Variants in CSMD1 observed in about 807,000 individuals in gnomAD.
CSMD1 encodes the protein CUB and sushi domain-containing protein 1.
Under a neutral mutation model 417.5 loss-of-function variants are expected in CSMD1, and 213 were observed. The observed-to-expected ratio is 0.51, with a 90% CI of 0.46 to 0.57. The LOEUF (loss-of-function observed/expected upper bound fraction) is 0.57. Among genes scored for constraint, CSMD1 ranks in the 20% least tolerant of loss-of-function variants. The probability of loss-of-function intolerance (pLI) is 0.00; values close to 1 mark genes in which losing one functional copy is unlikely to be tolerated. For synonymous variants in CSMD1, 2,862 were observed against 1,736.8 expected (o/e 1.65, Z -16.11); for missense variants, 6,923 against 4,529.7 (o/e 1.53, Z -15.17).
intron 1 of CSMD1, among the ~76,000 whole-genome samples, chr8:4,767,665 C>G (rs1332827578): frequency 6.6e-6 from 1 of 152,094 alleles, no homozygotes; most frequent in Non-Finnish European, 1.5e-5. Flanking sequence ...ATTTAGCTAC[C>G]CACAGTCACC....
intron 1 of CSMD1, among the ~76,000 whole-genome samples, chr8:4,793,597 G>C (rs1369861137): frequency 6.6e-6 from 1 of 151,700 alleles, no homozygotes; most frequent in South Asian, 2.1e-4. Context: ...TTGAGGCATT[G>C]CTCACTATCA....
chr8:3,363,979 G>T (rs547543699), intron 20 of CSMD1, among the ~76,000 whole-genome samples: 110 of 152,160 alleles, frequency 7.2e-4, no homozygotes, highest in Admixed American at 1.8e-3. Flanking sequence ...TACTGACTAG[G>T]AAACACAATC....
chr8:4,229,459 CA>C (rs1484553199), intron 3 of CSMD1, among the ~76,000 whole-genome samples: 1 of 152,240 alleles, frequency 6.6e-6, no homozygotes, highest in Non-Finnish European at 1.5e-5. Context: ...AGAAGACCCA[CA>C]ATCACCAACA....
intron 3 of CSMD1, among the ~76,000 whole-genome samples, chr8:4,394,589 C>G (rs1289646721): frequency 1.3e-5 from 2 of 152,084 alleles, no homozygotes; most frequent in Non-Finnish European, 2.9e-5. Flanking sequence ...GTGGATGCCC[C>G]CAGTAGCTGC....
At chr8:4,269,695 T>G (rs1180815355) in intron 3 of CSMD1, among the ~76,000 whole-genome samples, 1 of 152,228 alleles carries the variant, frequency 6.6e-6, no homozygotes, top group Admixed American at 6.5e-5. Flanking sequence ...CTTTGCAGTT[T>G]ATCAATTAAC....
intron 5 of CSMD1, among the ~76,000 whole-genome samples, chr8:3,778,691 G>C (rs989020948): frequency 2.0e-5 from 3 of 152,146 alleles, no homozygotes; most frequent in African/African-American, 7.2e-5. Flanking sequence ...TTCAGAGCTG[G>C]CCAAAGATCA....
At chr8:4,084,333 G>A (rs78564823) in intron 3 of CSMD1, among the ~76,000 whole-genome samples, 20 of 147,048 alleles carry the variant, frequency 1.4e-4, no homozygotes, top group African/African-American at 3.0e-4. Flanking sequence ...TGTTAAAAAA[G>A]AAAAAAAAAA....
chr8:3,627,549 T>C (rs569176168), intron 7 of CSMD1, among the ~76,000 whole-genome samples: 115 of 152,202 alleles, frequency 7.6e-4, no homozygotes, highest in Non-Finnish European at 1.3e-3. Flanking sequence ...TCATAGTACA[T>C]TACTTACAGG....
At chr8:4,464,366 T>C in intron 2 of CSMD1, among the ~76,000 whole-genome samples, 1 of 151,994 alleles carries the variant, frequency 6.6e-6, no homozygotes, top group South Asian at 2.1e-4. Context: ...CTGAAAAGAG[T>C]GATGAAAATG....
chr8:3,685,673 G>T (rs78753455), intron 7 of CSMD1, among the ~76,000 whole-genome samples: 5 of 152,116 alleles, frequency 3.3e-5, no homozygotes, highest in African/African-American at 1.2e-4. Flanking sequence ...TCTGAGGAAG[G>T]AAGTCAAAGA....
At chr8:4,553,824 G>A (rs1168284759) in intron 2 of CSMD1, among the ~76,000 whole-genome samples, 1 of 152,152 alleles carries the variant, frequency 6.6e-6, no homozygotes, top group Non-Finnish European at 1.5e-5. Flanking sequence ...ATTTACAAGG[G>A]ACATGATTGG....
intron 12 of CSMD1, among the ~76,000 whole-genome samples, chr8:3,445,473 A>T (rs1366602298): frequency 6.6e-6 from 1 of 152,202 alleles, no homozygotes; most frequent in African/African-American, 2.4e-5. Flanking sequence ...TTAAACACAC[A>T]GCTCGAGCAG....
chr8:4,861,466 G>C (rs1372777898), intron 1 of CSMD1, among the ~76,000 whole-genome samples: 1 of 152,086 alleles, frequency 6.6e-6, no homozygotes, highest in Non-Finnish European at 1.5e-5. Context: ...AGACAACTAA[G>C]CAATCCTTTA....
intron 3 of CSMD1, among the ~76,000 whole-genome samples, chr8:4,188,255 T>C (rs1332791225): frequency 6.6e-6 from 1 of 152,104 alleles, no homozygotes; most frequent in Admixed American, 6.5e-5. Flanking sequence ...CAGCGCACTT[T>C]TGGAGGCCAC....
intron 5 of CSMD1, among the ~76,000 whole-genome samples, chr8:3,799,372 A>G (rs138988927): frequency 1.4e-5 from 2 of 145,310 alleles, no homozygotes; most frequent in African/African-American, 2.5e-5. Flanking sequence ...CATTAGGTAT[A>G]TCTCCTAATG....
chr8:4,404,057 C>G (rs1312510800), intron 3 of CSMD1, among the ~76,000 whole-genome samples: 3 of 152,180 alleles, frequency 2.0e-5, no homozygotes, highest in Non-Finnish European at 2.9e-5. Context: ...TCCAAAAACA[C>G]TCTACGCCAG....
At chr8:3,339,899 C>A (rs568595608) in intron 23 of CSMD1, among the ~76,000 whole-genome samples, 2 of 152,308 alleles carry the variant, frequency 1.3e-5, no homozygotes, top group South Asian at 4.1e-4. Flanking sequence ...ATAGACAAGT[C>A]TGTAATAAAA....
At chr8:3,793,073 G>A (rs1011258722) in intron 5 of CSMD1, among the ~76,000 whole-genome samples, 2 of 152,170 alleles carry the variant, frequency 1.3e-5, no homozygotes, top group Non-Finnish European at 2.9e-5. Context: ...CAAAAGAGTA[G>A]AAAGGGGCAA....
intron 2 of CSMD1, among the ~76,000 whole-genome samples, chr8:4,594,324 C>T (rs1800147706): frequency 6.6e-6 from 1 of 150,514 alleles, no homozygotes. Context: ...CTGTCTTAGC[C>T]TCTTGAGTAG....
Sources: gnomAD v4.1 joint callset for allele counts (sites outside exome capture counted in the v4.1 genomes callset) on GRCh38, gnomAD v4.1.1 for gene constraint, MANE v1.5 for transcripts, NCBI Gene and HGNC (gene_info 2026-07-23, HGNC 2026-07-21) for gene names.